Variants in RALGDS observed in about 807,000 individuals in gnomAD.
The protein encoded by RALGDS is ral guanine nucleotide dissociation stimulator.
A neutral mutation model predicts 99.8 loss-of-function variants in RALGDS; 44 were observed. That is an observed-to-expected ratio of 0.44 (90% confidence interval 0.35 to 0.57). RALGDS has a LOEUF of 0.57. RALGDS is among the 20% of genes least tolerant of loss of function. RALGDS has a pLI of 0.01. For missense variants in RALGDS, 1,022 were observed against 1,203.1 expected, an observed-to-expected ratio of 0.85 and a Z score of 2.23; for synonymous variants, 529 against 505.0, an observed-to-expected ratio of 1.05 and a Z score of -0.64.
At chr9:133,098,823 T>C in intron 17 of RALGDS, 61 bp from the exon 18 acceptor site, 1 of 1,548,364 alleles carries the variant, frequency 6.5e-7, no homozygotes, top group East Asian at 2.2e-5. Flanking sequence ...AGGATACCCC[T>C]ACCGCTTGAG....
chr9:133,129,497 A>G (rs2119246313), intron 1 of RALGDS: 2 of 1,345,654 alleles, frequency 1.5e-6, no homozygotes, highest in Non-Finnish European at 1.9e-6. Flanking sequence ...GTACCAGGCC[A>G]TGGGCCAGCC....
intron 14 of RALGDS, 73 bp from the exon 15 acceptor site, chr9:133,102,212 C>A (rs545242596): frequency 1.4e-5 from 21 of 1,465,016 alleles, no homozygotes; most frequent in Non-Finnish European, 1.9e-5. Flanking sequence ...CTGCACCCTG[C>A]GCCCAAGGAC....
chr9:133,103,409 G>A (rs1201887157), intron 11 of RALGDS, 147 bp from the exon 12 acceptor site: 6 of 975,412 alleles, frequency 6.2e-6, no homozygotes, highest in East Asian at 2.6e-5. Flanking sequence ...ACCAGGGCAA[G>A]GGGACATGCG....
Position 133,098,258 on chromosome 9 carries a change from C to T in RALGDS, c.*329G>A. ...GGGCACAGGTGGCAGTGACCCACAC[C>T]TGGGAAGGTGTCAGGGAAGTGTACA... On this transcript the variant is annotated 3_prime_UTR_variant, in exon 18 of 18. Transcript: ENST00000372050. 2.3e-6 allele frequency: 1 copy of T among 441,576 alleles called. No homozygotes were observed. Among genetic ancestry groups the T allele is most frequent in the Non-Finnish European group, 4.2e-6 (1 of 236,672 alleles). 27.4% of individuals were successfully genotyped at this position (441,576 alleles called of 1,614,324 possible). A position where few individuals can be genotyped will look rare whatever the true frequency, so the allele number is the denominator to read the frequency against.
At chr9:133,123,771 G>C (rs1449214701), upstream of RALGDS, among the ~76,000 whole-genome samples, 6 of 89,934 alleles carry the variant, frequency 6.7e-5, no homozygotes, top group African/African-American at 1.6e-4. Context: ...CACACACACA[G>C]AGACACAAAG....
intron 1 of RALGDS, among the ~76,000 whole-genome samples, chr9:133,148,374 C>T (rs907105434): frequency 6.6e-6 from 1 of 152,242 alleles, no homozygotes; most frequent in Non-Finnish European, 1.5e-5. Flanking sequence ...GGAGAATCCC[C>T]GCCCATCAAG....
At chr9:133,101,151 T>C (rs1251992219) in intron 16 of RALGDS, 26 of 1,171,902 alleles carry the variant, frequency 2.2e-5, no homozygotes, top group Non-Finnish European at 2.2e-5. Context: ...CCTGCGGCTC[T>C]GGTACCAGCC....
intron 1 of RALGDS, chr9:133,129,007 G>T: frequency 8.6e-7 from 1 of 1,165,966 alleles, no homozygotes; most frequent in Non-Finnish European, 1.2e-6. Context: ...TCCCCTGTGA[G>T]TTCCAAACTC....
At chr9:133,149,074 C>T in exon 1 of RALGDS, 2 of 991,230 alleles carry the variant, frequency 2.0e-6, no homozygotes, top group Non-Finnish European at 2.6e-6. Flanking sequence ...AGGGGTGCGC[C>T]CGGCTGCGGG....
At chr9:133,143,350 A>C (rs1832555433) in intron 1 of RALGDS, among the ~76,000 whole-genome samples, 2 of 152,198 alleles carry the variant, frequency 1.3e-5, no homozygotes, top group South Asian at 4.1e-4. Flanking sequence ...TGCTGTGTGA[A>C]TCAATCGCTG....
At chr9:133,100,955 G>T in intron 16 of RALGDS, 1 of 1,046,846 alleles carries the variant, frequency 9.6e-7, no homozygotes, top group Non-Finnish European at 1.2e-6. Context: ...CTGGGGTACA[G>T]AGGGTGGGGG....
At chr9:133,134,005 C>T (rs1230888785), upstream of RALGDS, among the ~76,000 whole-genome samples, 1 of 152,244 alleles carries the variant, frequency 6.6e-6, no homozygotes, top group Non-Finnish European at 1.5e-5. Flanking sequence ...CTGGCTTTTG[C>T]TCCTCTTTCC....
chr9:133,120,990 G>A lies in RALGDS; in HGVS notation c.165C>T (p.Pro55=), dbSNP rs1363703779. The change falls in exon 1 of 18, where the codon CCC becomes CCT. Residue 55 remains proline (P), a synonymous_variant. Coordinates refer to ENST00000372050, the MANE Select transcript of RALGDS (RefSeq NM_006266.4). ...VVLHSFTQLD[P]DLPRPESSTQ... ...CACCCACCTCCGGGCGCGGCAGGTCGGGGTCTAGCTGCGTGAAGCTGTGCA... is the reference window on the plus strand; with the variant it reads ...CACCCACCTCCGGGCGCGGCAGGTCAGGGTCTAGCTGCGTGAAGCTGTGCA... 2.7e-6 allele frequency: 4 copies of A among 1,487,306 alleles called. No individual in the cohort carries two copies. The highest frequency in any genetic ancestry group is 4.4e-5 in the Admixed American group (2 of 45,178). 92.1% of individuals were successfully genotyped at this position (1,487,306 alleles called of 1,614,324 possible). A position where few individuals can be genotyped will look rare whatever the true frequency, so the allele number is the denominator to read the frequency against.
chr9:133,114,828 G>C (rs1055039937), intron 1 of RALGDS, among the ~76,000 whole-genome samples: 1 of 152,214 alleles, frequency 6.6e-6, no homozygotes, highest in Non-Finnish European at 1.5e-5. Flanking sequence ...GGACCCAGTC[G>C]GCAGCTGTGC....
intron 9 of RALGDS, among the ~76,000 whole-genome samples, 170 bp downstream of exon 9, chr9:133,105,762 C>G (rs1275739125): frequency 6.6e-6 from 1 of 152,058 alleles, no homozygotes; most frequent in Admixed American, 6.6e-5. Flanking sequence ...CCCTCTTCCC[C>G]CTTCACGCAC....
upstream of RALGDS, among the ~76,000 whole-genome samples, chr9:133,133,674 G>A (rs1001727940): frequency 2.6e-5 from 4 of 152,224 alleles, no homozygotes; most frequent in African/African-American, 9.6e-5. Flanking sequence ...CAGCTACTGT[G>A]CATGAAGCTT....
rs1434675545 is a variant in RALGDS at position 133,108,332 on chromosome 9, G to T, written c.853C>A (p.Pro285Thr). 1 of 1,543,358 alleles carries T rather than the reference G, an allele frequency of 6.5e-7. No individual in the cohort carries two copies. Among genetic ancestry groups the T allele is most frequent in the Admixed American group, 2.0e-5 (1 of 51,078 alleles). The change falls in exon 6 of 18, where the codon CCA becomes ACA. Residue 285 changes from proline (P) to threonine (T), a missense_variant. Pro to Thr is a conservative substitution (Grantham distance 38, BLOSUM62 -1). Transcript: ENST00000372050. ...GGCTCCGGGGCTGGAGCCGGCACTG[G>T]GCTGGGTGCTCGAGCTGGTGTTAGA... ...LALTPARAPS[P>T]VPAPAPEPEP...
Position 133,098,492 on chromosome 9 carries a change from G to A in RALGDS, c.*95C>T, listed in dbSNP as rs1830597240. ...ATGAAACTGGAGTCTGGGGTACCCT[G>A]GGCTGGCAGGTGGGAGGAAGGCGCC... is the stretch of plus-strand genomic sequence containing the variant. On this transcript the variant is annotated 3_prime_UTR_variant, in exon 18 of 18. Transcript: ENST00000372050. 1 of 1,310,856 alleles carries A rather than the reference G, an allele frequency of 7.6e-7. No individual in the cohort carries two copies. 81.2% of individuals were successfully genotyped at this position (1,310,856 alleles called of 1,614,324 possible).
chr9:133,141,849 G>C (rs1384913773), intron 1 of RALGDS, among the ~76,000 whole-genome samples: 1 of 152,234 alleles, frequency 6.6e-6, no homozygotes, highest in East Asian at 1.9e-4. Context: ...TAGTCAGTCG[G>C]TATCAAAGTT....
Sources: gnomAD v4.1 joint callset for allele counts (sites outside exome capture counted in the v4.1 genomes callset) on GRCh38, gnomAD v4.1.1 for gene constraint, MANE v1.5 for transcripts, NCBI Gene and HGNC (gene_info 2026-07-23, HGNC 2026-07-21) for gene names.